WASHC5: variants seen among roughly 807,000 people sequenced by gnomAD.
The protein encoded by WASHC5 is WASH complex subunit strumpellin.
WASHC5 carries 101 observed loss-of-function variants against 150.4 expected under a neutral mutation model. That is an observed-to-expected ratio of 0.67 (90% CI 0.57 to 0.79). The LOEUF is 0.79. Ranked by LOEUF, WASHC5 falls within the 30% of genes least tolerant of loss-of-function variation. The probability of loss-of-function intolerance (pLI) is 0.00; values close to 1 mark genes in which losing one functional copy is unlikely to be tolerated. For missense variants in WASHC5, 1,195 were observed against 1,396.3 expected, an observed-to-expected ratio of 0.86 and a Z score of 2.30; for synonymous variants, 467 against 491.2, an observed-to-expected ratio of 0.95 and a Z score of 0.65.
chr8:125,028,575 T>A, intron 28 of WASHC5, 45 bp downstream of exon 28: 1 of 1,391,418 alleles, frequency 7.2e-7, no homozygotes, highest in South Asian at 1.2e-5. Context: ...ATTATTAGCA[T>A]CTTTTTACAA....
At chr8:125,062,282 G>C (rs1816618669) in intron 11 of WASHC5, among the ~76,000 whole-genome samples, 1 of 152,094 alleles carries the variant, frequency 6.6e-6, no homozygotes, top group Non-Finnish European at 1.5e-5. Context: ...ATTAAGATGT[G>C]TATCTTACAG....
intron 27 of WASHC5, among the ~76,000 whole-genome samples, chr8:125,031,999 C>T (rs1815553603): frequency 6.6e-6 from 1 of 152,124 alleles, no homozygotes; most frequent in Non-Finnish European, 1.5e-5. Context: ...TATTCATGGT[C>T]CTGAGTCACT....
At chr8:125,074,181 T>C (rs1816982671) in intron 8 of WASHC5, among the ~76,000 whole-genome samples, 1 of 152,168 alleles carries the variant, frequency 6.6e-6, no homozygotes, top group South Asian at 2.1e-4. Context: ...ATGTCACAAA[T>C]GAGAAAATGC....
intron 7 of WASHC5, 84 bp from the exon 8 acceptor site, chr8:125,075,195 AC>A: frequency 2.4e-6 from 2 of 845,104 alleles, no homozygotes; most frequent in Admixed American, 3.5e-5. Context: ...AGAAGGCAAT[AC>A]CCACTCCATG....
intron 5 of WASHC5, among the ~76,000 whole-genome samples, chr8:125,079,376 G>A (rs1390619824): frequency 2.0e-5 from 3 of 151,290 alleles, no homozygotes; most frequent in Non-Finnish European, 4.4e-5. Context: ...TTTTAGTAGA[G>A]ATGGGGTTTC....
chr8:125,087,997 A>G (rs1375977843), intron 1 of WASHC5, among the ~76,000 whole-genome samples: 1 of 152,154 alleles, frequency 6.6e-6, no homozygotes, highest in Admixed American at 6.5e-5. Context: ...CTCGGGCAGA[A>G]GTCAGAAGGA....
Position 125,032,233 on chromosome 8 carries a change from T to G in WASHC5, c.3335+8A>C. 6.2e-7 allele frequency: 1 copy of G among 1,614,160 alleles called. No homozygotes were observed. The highest frequency in any genetic ancestry group is 8.5e-7 in the Non-Finnish European group (1 of 1,179,998). On this transcript the variant is annotated splice_region_variant and intron_variant, in intron 27 of 28. Coordinates refer to ENST00000318410, the MANE Select transcript of WASHC5 (RefSeq NM_014846.4). ...AAGTCCCACGTAGTCCTGGTTGGTC[T>G]TCTGTACCTTGTACACTGCTCCACC...
At chr8:125,079,592 G>A (rs1474155169) in intron 5 of WASHC5, among the ~76,000 whole-genome samples, 6 of 151,922 alleles carry the variant, frequency 3.9e-5, no homozygotes, top group Non-Finnish European at 8.8e-5. Flanking sequence ...ATTTGTTTCG[G>A]AATATAGCAT....
chr8:125,068,612 A>G (rs1012225802), intron 9 of WASHC5, among the ~76,000 whole-genome samples: 1 of 152,224 alleles, frequency 6.6e-6, no homozygotes, highest in African/African-American at 2.4e-5. Context: ...GAATCACTGA[A>G]GCCAGAGTGG....
intron 10 of WASHC5, among the ~76,000 whole-genome samples, chr8:125,066,405 G>A (rs913915346): frequency 3.3e-5 from 5 of 152,186 alleles, no homozygotes; most frequent in African/African-American, 1.2e-4. Flanking sequence ...GGGTATAAAT[G>A]TCTGGGCTAG....
At chr8:125,087,730 CAA>C (rs35178691) in intron 1 of WASHC5, among the ~76,000 whole-genome samples, 6,444 of 91,732 alleles carry the variant, frequency 0.07, 376 homozygotes, top group African/African-American at 0.2. Flanking sequence ...GACCCTCTCT[CAA>C]AAAAAAAAAA....
intron 1 of WASHC5, among the ~76,000 whole-genome samples, chr8:125,087,409 C>G (rs911518649): frequency 2.1e-4 from 32 of 152,058 alleles, no homozygotes; most frequent in Non-Finnish European, 7.4e-5. Flanking sequence ...GAGGGAACAA[C>G]AAGTAGGTGA....
At chr8:125,077,788 G>A (rs1817109288) in intron 6 of WASHC5, among the ~76,000 whole-genome samples, 1 of 152,134 alleles carries the variant, frequency 6.6e-6, no homozygotes, top group Non-Finnish European at 1.5e-5. Flanking sequence ...AGAGAAAATG[G>A]TATGGGAACA....
At chr8:125,054,900 A>C (rs1816361823) in intron 17 of WASHC5, among the ~76,000 whole-genome samples, 2 of 151,438 alleles carry the variant, frequency 1.3e-5, no homozygotes, top group Admixed American at 6.6e-5. Context: ...AAGGAAGGAA[A>C]ACAGAGAGAG....
rs766466433 is a variant in WASHC5, at chr8:125,056,729, C to A, written c.1964G>T (p.Arg655Leu). 3 of 1,614,002 alleles carry A rather than the reference C, an allele frequency of 1.9e-6. No individual in the cohort carries two copies. The highest frequency in any genetic ancestry group is 2.5e-6 in the Non-Finnish European group (3 of 1,179,978). Residue 655 changes from arginine to leucine, a missense_variant, in exon 16 of 29, where the codon CGC (arginine) becomes CTC (leucine). Arg to Leu is a moderately radical substitution (Grantham distance 102). Coordinates refer to ENST00000318410, the MANE Select transcript of WASHC5 (RefSeq NM_014846.4). ...QTHDIIEVPTRLDKDKLRDYA... is the reference protein window; with the variant it reads ...QTHDIIEVPTLLDKDKLRDYA... ...GTCCCTCAGCTTGTCTTTGTCCAGG[C>A]GGGTAGGCACTTCAATAATGTCGTG...
intron 12 of WASHC5, among the ~76,000 whole-genome samples, chr8:125,060,554 T>C (rs1158715410): frequency 6.6e-6 from 1 of 152,102 alleles, no homozygotes; most frequent in African/African-American, 2.4e-5. Context: ...TCTAGTTAAA[T>C]ACACAATTAA....
intron 9 of WASHC5, among the ~76,000 whole-genome samples, chr8:125,068,148 A>T (rs927596285): frequency 6.6e-6 from 1 of 152,178 alleles, no homozygotes; most frequent in Non-Finnish European, 1.5e-5. Flanking sequence ...TGCTATCCCT[A>T]GAGAGGCCTG....
At chr8:125,072,351 G>A (rs796148835) in intron 9 of WASHC5, among the ~76,000 whole-genome samples, 1 of 63,138 alleles carries the variant, frequency 1.6e-5, no homozygotes, top group African/African-American at 1.0e-4. Flanking sequence ...AAAAAAAAAA[G>A]TGGGGGGGGG....
At chr8:125,028,944 C>T (rs879919856) in intron 27 of WASHC5, among the ~76,000 whole-genome samples, 2 of 152,020 alleles carry the variant, frequency 1.3e-5, no homozygotes, top group Non-Finnish European at 2.9e-5. Context: ...GTTTACAACA[C>T]GATCCCTGCT....
Sources: gnomAD v4.1 joint callset for allele counts (sites outside exome capture counted in the v4.1 genomes callset) on GRCh38, gnomAD v4.1.1 for gene constraint, MANE v1.5 for transcripts, NCBI Gene and HGNC (gene_info 2026-07-23, HGNC 2026-07-21) for gene names.